The following PKHD1 variants were observed in gnomAD, a reference collection of about 807,000 sequenced individuals.
The protein encoded by PKHD1 is fibrocystin.
PKHD1 carries 291 observed loss-of-function variants against 412.0 expected under a neutral mutation model. That is an observed-to-expected ratio of 0.71 (90% CI 0.64 to 0.78). The LOEUF (loss-of-function observed/expected upper bound fraction) is 0.78. PKHD1 is among the 30% of genes least tolerant of loss of function. PKHD1 has a pLI of 0.00. For synonymous variants in PKHD1, 1,777 were observed against 1,821.5 expected (o/e 0.98, Z 0.62); for missense variants, 4,825 against 4,950.7 (o/e 0.97, Z 0.76).
At chr6:51,862,620 G>A (rs560579175) in intron 48 of PKHD1, among the ~76,000 whole-genome samples, 4 of 152,248 alleles carry the variant, frequency 2.6e-5, no homozygotes, top group African/African-American at 7.2e-5. Flanking sequence ...GGGGTGACTC[G>A]TACTTTGAAC....
chr6:51,900,731 G>A (rs1170227523), intron 43 of PKHD1, among the ~76,000 whole-genome samples: 1 of 151,256 alleles, frequency 6.6e-6, no homozygotes, highest in African/African-American at 2.4e-5. Context: ...AGAGTGAACA[G>A]GCAACCTACA....
In PKHD1 at chr6:52,053,164, C is replaced by T. The variant is rs2128203631; in HGVS notation, c.2052G>A (p.Leu684=). 1 of 1,614,178 alleles carries T rather than the reference C, an allele frequency of 6.2e-7. No individual in the cohort carries two copies. The highest frequency in any genetic ancestry group is 8.5e-7 in the Non-Finnish European group (1 of 1,180,002). The part of the protein sequence containing the change: ...LQPPPANSPV[L]VHQINLLPLA... Reference sequence around the variant, plus strand: ...GAGGGAGAAGGTTGATCTGATGAACCAGCACTGGGGAGTTTGCCGGAGGGG... The same window carrying T: ...GAGGGAGAAGGTTGATCTGATGAACTAGCACTGGGGAGTTTGCCGGAGGGG... Residue 684 remains leucine (L), a synonymous_variant, in exon 21 of 67, where the codon CTG becomes CTA. Coordinates refer to ENST00000371117, the MANE Select transcript of PKHD1 (RefSeq NM_138694.4).
intron 54 of PKHD1, among the ~76,000 whole-genome samples, chr6:51,775,075 T>G (rs946244654): frequency 1.4e-5 from 2 of 142,066 alleles, no homozygotes; most frequent in African/African-American, 5.7e-5. Context: ...TTTTTAAATA[T>G]AATAACATTT....
In PKHD1 at chr6:51,747,802, T is replaced by C. The variant is rs1487193268; in HGVS notation, c.9814A>G (p.Ile3272Val). Residue 3272 changes from isoleucine to valine, a missense_variant, in exon 58 of 67, where the codon ATC becomes GTC. By Grantham distance (29) the Ile-to-Val change is conservative. Transcript: ENST00000371117. ...KVRNDHSISG[I>V]MKLQDVTFSS... ...AACATCCTACCTTGAAGTTTCATGA[T>C]TCCTGAAATTGAATGATCATTCCTC... 1.9e-6 allele frequency: 3 copies of C among 1,613,694 alleles called. No individual in the cohort carries two copies. The highest frequency in any genetic ancestry group is 2.5e-6 in the Non-Finnish European group (3 of 1,179,664).
chr6:52,049,295 T>C (rs1220889392), intron 22 of PKHD1, among the ~76,000 whole-genome samples: 6 of 152,336 alleles, frequency 3.9e-5, no homozygotes, highest in Admixed American at 2.0e-4. Context: ...CAATGCTACA[T>C]ATTTGTGTAT....
intron 61 of PKHD1, among the ~76,000 whole-genome samples, chr6:51,657,353 TG>T (rs1772042492): frequency 1.3e-5 from 2 of 152,114 alleles, no homozygotes; most frequent in Non-Finnish European, 2.9e-5. Flanking sequence ...TGAGAAACCT[TG>T]CTAATTCTCA....
At chr6:51,932,567 G>A (rs1384712361) in intron 37 of PKHD1, among the ~76,000 whole-genome samples, 1 of 152,142 alleles carries the variant, frequency 6.6e-6, no homozygotes, top group South Asian at 2.1e-4. Flanking sequence ...GGCTTAAGAG[G>A]CCATTGAGCT....
chr6:51,700,737 C>T (rs934317198), intron 60 of PKHD1, among the ~76,000 whole-genome samples: 1 of 152,014 alleles, frequency 6.6e-6, no homozygotes. Context: ...AAAATGCAGC[C>T]CATTACCTGA....
chr6:51,742,532 A>G (rs1462596652), intron 60 of PKHD1, among the ~76,000 whole-genome samples: 1 of 152,206 alleles, frequency 6.6e-6, no homozygotes, highest in Admixed American at 6.5e-5. Context: ...AGGCTTTCAT[A>G]TTACAGATAA....
At chr6:51,849,434 G>T (rs1488077818) in intron 49 of PKHD1, among the ~76,000 whole-genome samples, 1 of 152,094 alleles carries the variant, frequency 6.6e-6, no homozygotes, top group Admixed American at 6.5e-5. Flanking sequence ...TGGGTCAAAT[G>T]GTATTTCTGG....
intron 60 of PKHD1, among the ~76,000 whole-genome samples, chr6:51,698,905 A>G (rs1041088141): frequency 2.6e-5 from 4 of 152,168 alleles, no homozygotes; most frequent in Non-Finnish European, 4.4e-5. Context: ...TAACTACTTC[A>G]TTTCTTTTTA....
At chr6:52,016,635 C>CAAAAAAAAAAAAAAAAAAAAAAAAAA (rs10579713) in intron 34 of PKHD1, among the ~76,000 whole-genome samples, 1 of 118,920 alleles carries the variant, frequency 8.4e-6, no homozygotes. Flanking sequence ...GACTCTGTCT[C>CAAAAAAAAAAAAAAAAAAAAAAAAAA]AAAAAAAAAA....
chr6:52,073,469 A>G lies in PKHD1; in HGVS notation c.521T>C (p.Ile174Thr). ...AAAACAAACACACACTTACCTATCA[A>G]TGTACTCAGCATCAAAATCAAAAGT... is the stretch of plus-strand genomic sequence containing the variant. Reference protein sequence around the residue: ...LETFDFDAEYIDSPVILEAQG... With the variant: ...LETFDFDAEYTDSPVILEAQG... The change falls in exon 7 of 67, where the codon ATT (isoleucine) becomes ACT (threonine). Residue 174 changes from isoleucine (I) to threonine (T), a missense_variant. Physicochemically the swap from Ile to Thr is moderately conservative, Grantham distance 89. Coordinates refer to ENST00000371117, the MANE Select transcript of PKHD1 (RefSeq NM_138694.4). The G allele has an allele frequency of 6.3e-7, 1 of 1,591,960 alleles. No individual in the cohort carries two copies. Among genetic ancestry groups the G allele is most frequent in the South Asian group, 1.1e-5 (1 of 90,544 alleles).
intron 35 of PKHD1, among the ~76,000 whole-genome samples, chr6:52,002,584 A>G (rs1798566922): frequency 2.0e-5 from 3 of 152,098 alleles, no homozygotes; most frequent in African/African-American, 7.2e-5. Flanking sequence ...CCCTAATCTA[A>G]TAACTAGCTC....
At chr6:52,042,003 A>G (rs1246930486) in intron 27 of PKHD1, among the ~76,000 whole-genome samples, 2 of 152,184 alleles carry the variant, frequency 1.3e-5, no homozygotes, top group Non-Finnish European at 2.9e-5. Context: ...TTATAACTCT[A>G]TAGAGAAAAC....
chr6:51,994,535 AAG>A (rs1470970380), intron 35 of PKHD1, among the ~76,000 whole-genome samples: 2 of 152,254 alleles, frequency 1.3e-5, no homozygotes, highest in Middle Eastern at 3.4e-3. Flanking sequence ...TGGGGAAACT[AAG>A]AGGTTCTTTG....
chr6:52,058,897 C>A (rs1234495091), intron 15 of PKHD1, among the ~76,000 whole-genome samples: 2 of 152,148 alleles, frequency 1.3e-5, no homozygotes, highest in African/African-American at 4.8e-5. Context: ...TTACATGACA[C>A]TATGGAGAAG....
intron 36 of PKHD1, among the ~76,000 whole-genome samples, chr6:51,952,510 C>T (rs1469680663): frequency 1.3e-5 from 2 of 152,146 alleles, no homozygotes; most frequent in Non-Finnish European, 2.9e-5. Context: ...CTTCAGCTTA[C>T]AGCCTAGACC....
At chr6:51,817,899 G>C (rs1765732627) in intron 52 of PKHD1, among the ~76,000 whole-genome samples, 1 of 152,170 alleles carries the variant, frequency 6.6e-6, no homozygotes, top group Non-Finnish European at 1.5e-5. Flanking sequence ...CCACCTCCGT[G>C]CGTGGGCTAT....
Sources: gnomAD v4.1 joint callset for allele counts (sites outside exome capture counted in the v4.1 genomes callset) on GRCh38, gnomAD v4.1.1 for gene constraint, MANE v1.5 for transcripts, NCBI Gene and HGNC (gene_info 2026-07-23, HGNC 2026-07-21) for gene names.